The following LMBR1 variants were observed in gnomAD, a reference collection of about 807,000 sequenced individuals.
The protein encoded by LMBR1 is limb region 1 protein homolog.
Under a neutral mutation model 73.9 loss-of-function variants are expected in LMBR1, and 52 were observed. That is an observed-to-expected ratio of 0.70 (90% CI 0.56 to 0.89). The LOEUF (loss-of-function observed/expected upper bound fraction) is 0.89. LMBR1 is among the 40% of genes least tolerant of loss of function. LMBR1 has a pLI of 0.00. For missense variants in LMBR1, 539 were observed against 579.8 expected (o/e 0.93, Z 0.72); for synonymous variants, 215 against 209.4 (o/e 1.03, Z -0.23).
At chr7:156,888,736 A>C (rs1802377133) in intron 1 of LMBR1, among the ~76,000 whole-genome samples, 1 of 151,718 alleles carries the variant, frequency 6.6e-6, no homozygotes, top group South Asian at 2.1e-4. Context: ...TGGGCAACAT[A>C]GCAAAAACCC....
chr7:156,684,749 G>A (rs1407815987), intron 16 of LMBR1, among the ~76,000 whole-genome samples: 2 of 152,170 alleles, frequency 1.3e-5, no homozygotes, highest in African/African-American at 4.8e-5. Flanking sequence ...TTGAGCTGAG[G>A]GGTTTGAGAC....
intron 10 of LMBR1, among the ~76,000 whole-genome samples, chr7:156,730,887 G>A (rs1816710483): frequency 2.0e-5 from 3 of 151,808 alleles, no homozygotes; most frequent in Admixed American, 2.0e-4. Context: ...AGTGGACTGA[G>A]ATCAGGCCAC....
chr7:156,699,214 T>C (rs1405582203), intron 15 of LMBR1, among the ~76,000 whole-genome samples: 1 of 152,168 alleles, frequency 6.6e-6, no homozygotes, highest in East Asian at 1.9e-4. Context: ...GAGATATAGA[T>C]CAATGGAATA....
chr7:156,704,613 A>C (rs1436720629), intron 15 of LMBR1, among the ~76,000 whole-genome samples: 1 of 151,214 alleles, frequency 6.6e-6, no homozygotes, highest in Admixed American at 6.6e-5. Context: ...AAAAAAAAAA[A>C]CCCTCAAAAT....
chr7:156,767,420 AT>A (rs1270001885), intron 5 of LMBR1, among the ~76,000 whole-genome samples: 2 of 152,184 alleles, frequency 1.3e-5, no homozygotes, highest in African/African-American at 4.8e-5. Context: ...TCATTTAATA[AT>A]TTTTTATTAT....
chr7:156,865,466 T>G (rs930651591), intron 1 of LMBR1, among the ~76,000 whole-genome samples: 2 of 152,210 alleles, frequency 1.3e-5, no homozygotes, highest in South Asian at 4.1e-4. Flanking sequence ...CACATGTTCA[T>G]GGATTGGAGA....
intron 15 of LMBR1, among the ~76,000 whole-genome samples, chr7:156,718,600 G>T (rs1320177092): frequency 6.6e-6 from 1 of 151,956 alleles, no homozygotes; most frequent in African/African-American, 2.4e-5. Flanking sequence ...GTGGTGTGGT[G>T]TAAGTAGCTG....
At chr7:156,764,580 T>C in intron 5 of LMBR1, among the ~76,000 whole-genome samples, 1 of 152,208 alleles carries the variant, frequency 6.6e-6, no homozygotes, top group East Asian at 1.9e-4. Flanking sequence ...ATATTGATAT[T>C]TTGTACTGCA....
At chr7:156,809,872 C>T (rs907267945) in intron 4 of LMBR1, among the ~76,000 whole-genome samples, 1 of 152,146 alleles carries the variant, frequency 6.6e-6, no homozygotes, top group Non-Finnish European at 1.5e-5. Context: ...CCTCATGTTT[C>T]TTGTACATAG....
intron 1 of LMBR1, among the ~76,000 whole-genome samples, chr7:156,853,149 A>G (rs1796475498): frequency 6.6e-6 from 1 of 151,674 alleles, no homozygotes; most frequent in Admixed American, 6.6e-5. Context: ...TGTGTTAGCC[A>G]GGATGGTCTC....
At chr7:156,689,131 C>T (rs1806605383) in intron 15 of LMBR1, among the ~76,000 whole-genome samples, 1 of 151,896 alleles carries the variant, frequency 6.6e-6, no homozygotes, top group African/African-American at 2.4e-5. Flanking sequence ...TGGCCAGGTC[C>T]AGTATTTACT....
chr7:156,724,587 G>C (rs1186011992), intron 14 of LMBR1, among the ~76,000 whole-genome samples: 1 of 152,022 alleles, frequency 6.6e-6, no homozygotes, highest in Admixed American at 6.6e-5. Flanking sequence ...TATTTCTAAT[G>C]TTAATTGTAA....
At chr7:156,672,391 TGCCACAGTGACTGAGG>T (rs765099668) in intron 4 of LMBR1, among the ~76,000 whole-genome samples, 18 of 152,176 alleles carry the variant, frequency 1.2e-4, no homozygotes, top group Non-Finnish European at 1.9e-4. Flanking sequence ...AGGACCTGTA[TGCCACAGTGACTGAGG>T]CAGAAGGAGG....
intron 9 of LMBR1, among the ~76,000 whole-genome samples, chr7:156,745,507 C>A (rs972201033): frequency 1.3e-5 from 2 of 152,156 alleles, no homozygotes; most frequent in African/African-American, 4.8e-5. Flanking sequence ...GCCAGAAAAA[C>A]TGATTTAGGA....
At chr7:156,713,988 AAAGT>A (rs1341853205) in intron 15 of LMBR1, among the ~76,000 whole-genome samples, 3 of 152,364 alleles carry the variant, frequency 2.0e-5, no homozygotes, top group South Asian at 4.1e-4. Context: ...CAGAAGCTAC[AAAGT>A]AAGTATGTAA....
intron 1 of LMBR1, 22 bp from the exon 2 acceptor site, chr7:156,836,907 A>C (rs1241866956): frequency 2.0e-6 from 3 of 1,477,534 alleles, no homozygotes; most frequent in Non-Finnish European, 2.8e-6. Context: ...CGAAGTTAAC[A>C]GATCATTTAC....
intron 9 of LMBR1, among the ~76,000 whole-genome samples, chr7:156,752,263 C>G (rs959623280): frequency 1.3e-5 from 2 of 152,192 alleles, no homozygotes; most frequent in African/African-American, 4.8e-5. Context: ...CCCATGAGCA[C>G]ACAACTCTTG....
intron 4 of LMBR1, among the ~76,000 whole-genome samples, chr7:156,810,349 C>T (rs1461758963): frequency 4.9e-4 from 75 of 152,144 alleles, no homozygotes; most frequent in Admixed American, 4.9e-3. Flanking sequence ...GCCCCACTGG[C>T]CCAAACACCT....
intron 1 of LMBR1, among the ~76,000 whole-genome samples, chr7:156,856,228 A>G (rs1218514621): frequency 1.3e-5 from 2 of 152,128 alleles, no homozygotes; most frequent in African/African-American, 4.8e-5. Context: ...ATAGGTAGAT[A>G]GATAGATAGA....
Sources: allele counts gnomAD v4.1 joint callset (sites outside exome capture counted in the v4.1 genomes callset), GRCh38; gene constraint gnomAD v4.1.1; transcripts MANE v1.5; gene names NCBI Gene and HGNC (gene_info 2026-07-23, HGNC 2026-07-21).